Variants in EIF2S3B observed in about 807,000 individuals in gnomAD.
EIF2S3B encodes eukaryotic translation initiation factor 2 subunit 3B.
Under a neutral mutation model 26.4 loss-of-function variants are expected in EIF2S3B, and 16 were observed. The ratio of observed to expected loss-of-function variants is 0.61; its 90% CI spans 0.41 to 0.92. The LOEUF (loss-of-function observed/expected upper bound fraction) is 0.92. Among genes scored for constraint, EIF2S3B ranks in the 40% least tolerant of loss-of-function variants. The probability of loss-of-function intolerance (pLI) is 0.00; values close to 1 mark genes in which losing one functional copy is unlikely to be tolerated. For synonymous variants in EIF2S3B, 183 were observed against 204.4 expected (o/e 0.90, Z 0.89); for missense variants, 510 against 575.5 (o/e 0.89, Z 1.16).
chr12:10,521,175 T>C (rs76039395), intron 1 of EIF2S3B, among the ~76,000 whole-genome samples: 14,039 of 152,214 alleles, frequency 0.092, 814 homozygotes, highest in Non-Finnish European at 0.13. Flanking sequence ...TTAGCAAGGA[T>C]ACACGTTCTA....
intron 1 of EIF2S3B, among the ~76,000 whole-genome samples, chr12:10,522,061 G>A (rs547267514): frequency 2.0e-5 from 3 of 152,278 alleles, no homozygotes; most frequent in African/African-American, 7.2e-5. Flanking sequence ...AAACCCAGAG[G>A]AGTAAAGTTG....
chr12:10,521,833 C>T (rs910346194), intron 1 of EIF2S3B, among the ~76,000 whole-genome samples: 7 of 152,120 alleles, frequency 4.6e-5, no homozygotes, highest in Non-Finnish European at 1.0e-4. Flanking sequence ...TTTTGATATT[C>T]AACCTTCCAC....
downstream of EIF2S3B, among the ~76,000 whole-genome samples, chr12:10,509,837 ATAAAT>A (rs1349027909): frequency 1.3e-5 from 2 of 152,000 alleles, no homozygotes; most frequent in African/African-American, 4.8e-5. Flanking sequence ...TTAATTATAA[ATAAAT>A]TTATATTTAA....
At chr12:10,516,867 A>G (rs1168952378) in intron 1 of EIF2S3B, among the ~76,000 whole-genome samples, 1 of 145,760 alleles carries the variant, frequency 6.9e-6, no homozygotes, top group African/African-American at 2.7e-5. Context: ...TATTGAGATA[A>G]TCATGTGGTT....
At chr12:10,514,348 T>A (rs1471521966) in intron 1 of EIF2S3B, among the ~76,000 whole-genome samples, 2 of 152,198 alleles carry the variant, frequency 1.3e-5, no homozygotes, top group South Asian at 4.1e-4. Flanking sequence ...TAATACTCCC[T>A]GATGTTACAA....
At chr12:10,521,985 TTAAAC>T (rs1415608325) in intron 1 of EIF2S3B, among the ~76,000 whole-genome samples, 1 of 152,180 alleles carries the variant, frequency 6.6e-6, no homozygotes, top group African/African-American at 2.4e-5. Context: ...TAATGAGACA[TTAAAC>T]TAAACCATCT....
At chr12:10,510,998 AAATAT>A (rs910941109), downstream of EIF2S3B, among the ~76,000 whole-genome samples, 33 of 152,286 alleles carry the variant, frequency 2.2e-4, no homozygotes, top group African/African-American at 7.5e-4. Context: ...GTGTTCAATT[AAATAT>A]AATATAGAAA....
At chr12:10,516,780 G>T in intron 1 of EIF2S3B, among the ~76,000 whole-genome samples, 1 of 152,008 alleles carries the variant, frequency 6.6e-6, no homozygotes, top group African/African-American at 2.4e-5. Flanking sequence ...TTTGAGATAC[G>T]TCCCATCAAT....
intron 1 of EIF2S3B, among the ~76,000 whole-genome samples, chr12:10,521,752 C>T (rs960316407): frequency 3.9e-5 from 6 of 152,104 alleles, no homozygotes; most frequent in African/African-American, 1.4e-4. Context: ...ACAAAGTCCA[C>T]GCAGAAACCT....
rs1222987436 is a variant in EIF2S3B, at chr12:10,508,398, G to C, written c.*1077G>C. On this transcript the variant is annotated 3_prime_UTR_variant, in exon 1 of 1. Transcript: ENST00000538173. ...TGTTATACCAAATAATTCTAGATGA[G>C]TAACAAAGATCCTTCTAGGCCTTCA... Among the ~76,000 whole-genome samples, 5 of 151,818 alleles carry C rather than the reference G, an allele frequency of 3.3e-5. No individual in the cohort carries two copies. The highest frequency in any genetic ancestry group is 1.2e-4 in the African/African-American group (5 of 41,316).
At position 10,508,348 on chromosome 12, in the gene EIF2S3B, A is replaced by G. The variant is rs571007656; in HGVS notation, c.*1027A>G. On this transcript the variant is annotated 3_prime_UTR_variant, in exon 1 of 1. Coordinates refer to ENST00000538173, the MANE Select transcript of EIF2S3B (RefSeq NM_001357734.3). ...TGCATTGTTTTATGCCTGAAATCCA[A>G]TAGTCTTCCTCCATTGGAAAATACT... Among the ~76,000 whole-genome samples the G allele has an allele frequency of 3.3e-5, 5 of 152,070 alleles. No homozygotes were observed. The highest frequency in any genetic ancestry group is 7.4e-5 in the Non-Finnish European group (5 of 68,008).
intron 1 of EIF2S3B, among the ~76,000 whole-genome samples, chr12:10,515,607 A>C (rs1864746966): frequency 6.6e-6 from 1 of 152,032 alleles, no homozygotes. Context: ...TCTTCACTCT[A>C]TAACTCTAGT....
In EIF2S3B at chr12:10,506,317, G is replaced by T. The variant is rs922824216; in HGVS notation, c.415G>T (p.Asp139Tyr). The part of the protein sequence containing the change: ...HVSFVDCPGH[D>Y]ILMATMLNGA... Reference sequence around the variant, plus strand: ...TTCCTTTGTTGACTGTCCTGGCCACGATATTTTGATGGCTACTATGCTGAA... The same window carrying T: ...TTCCTTTGTTGACTGTCCTGGCCACTATATTTTGATGGCTACTATGCTGAA... The change falls in exon 1 of 1, where the codon GAT becomes TAT. Residue 139 changes from aspartate (D) to tyrosine (Y), a missense_variant. Physicochemically the swap from Asp to Tyr is radical, Grantham distance 160. Coordinates refer to ENST00000538173, the MANE Select transcript of EIF2S3B (RefSeq NM_001357734.3). 4 of 1,614,090 alleles carry T rather than the reference G, an allele frequency of 2.5e-6. No individual in the cohort carries two copies. The highest frequency in any genetic ancestry group is 2.2e-5 in the South Asian group (2 of 91,080).
At chr12:10,513,447 AT>A (rs549895363), downstream of EIF2S3B, among the ~76,000 whole-genome samples, 13 of 152,240 alleles carry the variant, frequency 8.5e-5, no homozygotes, top group South Asian at 2.5e-3. Flanking sequence ...GGGAAGAGAA[AT>A]TTTTTTCTGA....
At position 10,506,281 on chromosome 12, in the gene EIF2S3B, G is replaced by T. The variant is rs1437223772; in HGVS notation, c.379G>T (p.Val127Phe). ...IPGTKGNFRL[V>F]RHVSFVDCPG... Reference sequence around the variant, plus strand: ...AGGAACCAAAGGGAACTTCAGATTAGTCAGACATGTTTCCTTTGTTGACTG... The same window carrying T: ...AGGAACCAAAGGGAACTTCAGATTATTCAGACATGTTTCCTTTGTTGACTG... The change falls in exon 1 of 1, where the codon GTC becomes TTC. Residue 127 changes from valine to phenylalanine, a missense_variant. By Grantham distance (50) the Val-to-Phe change is conservative. Transcript: ENST00000538173. 6.2e-7 allele frequency: 1 copy of T among 1,614,000 alleles called. No individual in the cohort carries two copies. Among genetic ancestry groups the T allele is most frequent in the East Asian group, 2.2e-5 (1 of 44,880 alleles).
chr12:10,518,530 C>A (rs1864791940), intron 1 of EIF2S3B, among the ~76,000 whole-genome samples: 1 of 152,062 alleles, frequency 6.6e-6, no homozygotes, highest in Non-Finnish European at 1.5e-5. Context: ...ATACAGCACA[C>A]TGATGGGTCT....
At chr12:10,509,613 A>G (rs1301564866), downstream of EIF2S3B, among the ~76,000 whole-genome samples, 10 of 152,126 alleles carry the variant, frequency 6.6e-5, no homozygotes, top group South Asian at 1.7e-3. Flanking sequence ...CAAATTGCAC[A>G]ACCAATTTTC....
In EIF2S3B at chr12:10,507,434, A is replaced by G. The variant is rs1864650452; in HGVS notation, c.*113A>G. On this transcript the variant is annotated 3_prime_UTR_variant, in exon 1 of 1. Transcript: ENST00000538173. ...TGGGGAATTGATTTCACAGTTTGTT[A>G]CCTTAGTAGGTAACGGTAAGGTTAT... 1.6e-6 allele frequency: 2 copies of G among 1,274,366 alleles called. No homozygotes were observed. The highest frequency in any genetic ancestry group is 1.1e-6 in the Non-Finnish European group (1 of 891,642). 78.9% of individuals were successfully genotyped at this position (1,274,366 alleles called of 1,614,324 possible). A position where few individuals can be genotyped will look rare whatever the true frequency, so the allele number is the denominator to read the frequency against.
chr12:10,517,669 C>T (rs1864773679), intron 1 of EIF2S3B, among the ~76,000 whole-genome samples: 1 of 151,950 alleles, frequency 6.6e-6, no homozygotes, highest in South Asian at 2.1e-4. Flanking sequence ...AATGTGTTTG[C>T]TCTTGCTTTT....
Sources: gnomAD v4.1 joint callset for allele counts (sites outside exome capture counted in the v4.1 genomes callset) on GRCh38, gnomAD v4.1.1 for gene constraint, MANE v1.5 for transcripts, NCBI Gene and HGNC (gene_info 2026-07-23, HGNC 2026-07-21) for gene names.